The following CELF2 variants were observed in gnomAD, a reference collection of about 807,000 sequenced individuals.
CELF2 encodes CUG triplet repeat RNA-binding protein 2.
A neutral mutation model predicts 62.6 loss-of-function variants in CELF2; 8 were observed. The ratio of observed to expected loss-of-function variants is 0.13; its 90% CI spans 0.07 to 0.23. CELF2 has a LOEUF of 0.23. CELF2 is among the 10% of genes least tolerant of loss of function. CELF2 has a pLI of 1.00. For synonymous variants in CELF2, 258 were observed against 250.0 expected, an observed-to-expected ratio of 1.03 and a Z score of -0.30; for missense variants, 333 against 671.0, an observed-to-expected ratio of 0.50 and a Z score of 5.56.
intron 1 of CELF2, among the ~76,000 whole-genome samples, chr10:11,065,026 A>C (rs1164656172): frequency 6.6e-6 from 1 of 152,218 alleles, no homozygotes; most frequent in Non-Finnish European, 1.5e-5. Context: ...ATCAGTGTGA[A>C]GTGCTTGCTA....
At chr10:11,074,677 G>C (rs920092583) in intron 1 of CELF2, among the ~76,000 whole-genome samples, 3 of 152,116 alleles carry the variant, frequency 2.0e-5, no homozygotes, top group African/African-American at 7.2e-5. Context: ...GACAGTGTAG[G>C]TATGGTGCAA....
chr10:10,503,857 C>A, the CELF2 span, among the ~76,000 whole-genome samples: 1 of 150,972 alleles, frequency 6.6e-6, no homozygotes, highest in Non-Finnish European at 1.5e-5. Flanking sequence ...GTTAGATTTC[C>A]CTTTTGGTTT....
rs117914700 is a variant in CELF2, at chr10:11,134,379, G to A, written c.75-31107G>A. Reference sequence around the variant, plus strand: ...GAGTTGCTAAGGGCGGATGAGTGTGGCCTCAGAAGACTCATCCCCCTGGGA... The same window carrying A: ...GAGTTGCTAAGGGCGGATGAGTGTGACCTCAGAAGACTCATCCCCCTGGGA... On this transcript the variant is annotated intron_variant, in intron 1 of 12. Transcript: ENST00000633077. Among the ~76,000 whole-genome samples, 1,253 of 152,338 alleles carry A rather than the reference G, an allele frequency of 8.2e-3. 17 individuals are homozygous for A. Among genetic ancestry groups the A allele is most frequent in the Middle Eastern group, 0.014 (4 of 294 alleles).
At chr10:10,653,472 G>A in the CELF2 span, among the ~76,000 whole-genome samples, 21 of 145,784 alleles carry the variant, frequency 1.4e-4, no homozygotes, top group African/African-American at 5.1e-4. Context: ...TGGAAGTAAA[G>A]CTCTCCTCAG....
At chr10:10,787,770 G>C in the CELF2 span, among the ~76,000 whole-genome samples, 1 of 152,058 alleles carries the variant, frequency 6.6e-6, no homozygotes, top group Non-Finnish European at 1.5e-5. Flanking sequence ...TACTGCACTG[G>C]TTGGCTGCAT....
chr10:10,465,995 T>C, the CELF2 span, among the ~76,000 whole-genome samples: 1 of 152,142 alleles, frequency 6.6e-6, no homozygotes, highest in African/African-American at 2.4e-5. Context: ...GAGAATGCTG[T>C]TCTAGCATCT....
the CELF2 span, among the ~76,000 whole-genome samples, chr10:10,721,951 A>C: frequency 6.6e-6 from 1 of 152,216 alleles, no homozygotes. Context: ...GCCCATTTTA[A>C]TGATTAAACG....
chr10:10,735,974 C>T, the CELF2 span, among the ~76,000 whole-genome samples: 1 of 152,158 alleles, frequency 6.6e-6, no homozygotes, highest in African/African-American at 2.4e-5. Flanking sequence ...CAATGAATCA[C>T]CCTGCACTAA....
intron 1 of CELF2, among the ~76,000 whole-genome samples, chr10:11,111,179 G>T (rs2055063847): frequency 6.6e-6 from 1 of 152,076 alleles, no homozygotes; most frequent in South Asian, 2.1e-4. Flanking sequence ...AGACTTTCTG[G>T]GCCTTCTAAT....
the CELF2 span, among the ~76,000 whole-genome samples, chr10:10,531,359 C>G: frequency 1.3e-5 from 2 of 152,138 alleles, no homozygotes; most frequent in African/African-American, 4.8e-5. Context: ...ATTTTAATCA[C>G]GCTCTAAAAC....
the CELF2 span, among the ~76,000 whole-genome samples, chr10:10,686,589 TAGTG>T: frequency 2.0e-5 from 3 of 152,090 alleles, no homozygotes; most frequent in Non-Finnish European, 2.9e-5. Context: ...GTCCTTGTGA[TAGTG>T]AGTGAGTTCT....
Position 11,098,268 on chromosome 10 carries a change from A to C in CELF2, c.75-67218A>C, listed in dbSNP as rs1178852628. The C allele has an allele frequency of 2.6e-5, 4 of 152,308 alleles. No individual in the cohort carries two copies. The highest frequency in any genetic ancestry group is 9.7e-5 in the African/African-American group (4 of 41,418). 9.4% of individuals were successfully genotyped at this position (152,308 alleles called of 1,614,324 possible). A position where few individuals can be genotyped will look rare whatever the true frequency, so the allele number is the denominator to read the frequency against. ...TTCTGTGCTGTGAGCAGCGACGGGC[A>C]CCCAGCAGCCCTCGCCTTGTCTTCC... is the stretch of plus-strand genomic sequence containing the variant. On this transcript the variant is annotated intron_variant, in intron 1 of 12. Coordinates refer to ENST00000633077, the MANE Select transcript of CELF2 (RefSeq NM_001326342.2). This position sits in a 1 kb window ranked among gnomAD's most constrained non-coding sequence, Gnocchi z 4.0.
At position 10,996,261 on chromosome 10, in the gene CELF2, G is replaced by T. The variant is rs574869901; in HGVS notation, c.89+76262G>T. 3.3e-4 allele frequency among the ~76,000 whole-genome samples: 50 copies of T among 152,334 alleles called. 1 individual carries two copies. Among genetic ancestry groups the T allele is most frequent in the African/African-American group, 1.1e-3 (46 of 41,580 alleles). The stretch of plus-strand genomic sequence containing the variant: ...TTGTCTGTTCAGAAAGCTGGGTGCA[G>T]TGCCCCTACTCCAGCCCCCTAGCCC... On this transcript the variant is annotated intron_variant, in intron 2 of 13. Transcript: ENST00000636488.
At chr10:11,060,050 A>G (rs1393345232) in intron 1 of CELF2, among the ~76,000 whole-genome samples, 1 of 152,226 alleles carries the variant, frequency 6.6e-6, no homozygotes, top group Non-Finnish European at 1.5e-5. Flanking sequence ...AAAATGCAAG[A>G]GGAAGAGAAG....
intron 1 of CELF2, among the ~76,000 whole-genome samples, chr10:11,084,090 A>G (rs1469524327): frequency 6.6e-6 from 1 of 152,240 alleles, no homozygotes; most frequent in African/African-American, 2.4e-5. Flanking sequence ...TTTGGCAAGG[A>G]AAGGAAACTG....
At chr10:10,612,170 G>A in the CELF2 span, among the ~76,000 whole-genome samples, 1 of 152,130 alleles carries the variant, frequency 6.6e-6, no homozygotes, top group African/African-American at 2.4e-5. Flanking sequence ...TTTCCACTGG[G>A]TGGGGGAACT....
chr10:10,637,334 A>G, the CELF2 span, among the ~76,000 whole-genome samples: 1 of 152,178 alleles, frequency 6.6e-6, no homozygotes. Flanking sequence ...TAGTAACAAG[A>G]TTAGAACTAG....
the CELF2 span, among the ~76,000 whole-genome samples, chr10:10,608,691 G>T: frequency 6.6e-6 from 1 of 152,060 alleles, no homozygotes; most frequent in African/African-American, 2.4e-5. Context: ...TACATTTCCA[G>T]CTCTCCCAGG....
rs139367504 is a variant in CELF2 at position 11,207,984 on chromosome 10, G to A, written c.272-9441G>A. Among the ~76,000 whole-genome samples the A allele has an allele frequency of 0.015, 2,217 of 152,316 alleles. 22 individuals carry two copies. Among genetic ancestry groups the A allele is most frequent in the Middle Eastern group, 0.024 (7 of 294 alleles). On this transcript the variant is annotated intron_variant, in intron 2 of 12. Coordinates refer to ENST00000633077, the MANE Select transcript of CELF2 (RefSeq NM_001326342.2). This position sits in a 1 kb window ranked among gnomAD's most constrained non-coding sequence, Gnocchi z 4.1. ...AGACATTTTAGGTGACATGAACAGAGTGTGAAGCAGATCTTTCAGAGTGAG... is the reference window on the plus strand; with the variant it reads ...AGACATTTTAGGTGACATGAACAGAATGTGAAGCAGATCTTTCAGAGTGAG...
Sources: gnomAD v4.1 joint callset for allele counts (sites outside exome capture counted in the v4.1 genomes callset) on GRCh38, gnomAD v4.1.1 for gene constraint, Gnocchi (gnomAD v3.1) non-coding constraint, MANE v1.5 for transcripts, NCBI Gene and HGNC (gene_info 2026-07-23, HGNC 2026-07-21) for gene names.